CRLF2: variants seen among roughly 807,000 people sequenced by gnomAD.
CRLF2 encodes cytokine receptor like factor 2, also known as cytokine receptor-like factor 2.
A neutral mutation model predicts 38.7 loss-of-function variants in CRLF2; 41 were observed. The ratio of observed to expected loss-of-function variants is 1.06; its 90% CI spans 0.83 to 1.37. CRLF2 has a LOEUF of 1.37. CRLF2 is among the 40% of genes most tolerant of loss of function. The pLI is 0.00. For missense variants in CRLF2, 377 were observed against 322.2 expected (o/e 1.17, Z -1.30); for synonymous variants, 140 against 128.8 (o/e 1.09, Z -0.59).
intron 1 of CRLF2, among the ~76,000 whole-genome samples, chrX:1,211,077 A>G (rs2086788503): frequency 6.7e-6 from 1 of 149,636 alleles, no homozygotes; most frequent in African/African-American, 2.5e-5. Context: ...GTGTTGGTGG[A>G]TGGATGGATA....
chrX:1,196,475 C>G (rs373572582), intron 6 of CRLF2, among the ~76,000 whole-genome samples: 3 of 151,712 alleles, frequency 2.0e-5, no homozygotes, highest in Admixed American at 6.6e-5. Context: ...CGTGAACCAC[C>G]GTGCCTGACC....
At chrX:1,204,659 T>A (rs2086662238) in intron 3 of CRLF2, among the ~76,000 whole-genome samples, 2 of 149,484 alleles carry the variant, frequency 1.3e-5, no homozygotes, top group East Asian at 3.9e-4. Flanking sequence ...TAGCTGGGAT[T>A]ACAAGCGTGT....
chrX:1,197,371 A>C (rs2086501901), intron 5 of CRLF2, among the ~76,000 whole-genome samples: 1 of 151,248 alleles, frequency 6.6e-6, no homozygotes, highest in African/African-American at 2.4e-5. Context: ...GTGTCTCTGG[A>C]CAACAACACA....
intron 3 of CRLF2, among the ~76,000 whole-genome samples, chrX:1,205,564 A>G (rs1376390719): frequency 6.6e-6 from 1 of 151,940 alleles, no homozygotes; most frequent in Admixed American, 6.6e-5. Context: ...TGAAGGAAAT[A>G]CTGAAAAGCA....
chrX:1,208,683 C>T (rs1209253644), intron 2 of CRLF2, 123 bp downstream of exon 2: 56 of 683,902 alleles, frequency 8.2e-5, no homozygotes, highest in Non-Finnish European at 8.0e-6. Context: ...ACAGAACAAA[C>T]ATTCCGGCTT....
chrX:1,212,417 GGA>G, intron 1 of CRLF2, 137 bp downstream of exon 1: 19 of 531,546 alleles, frequency 3.6e-5, no homozygotes, highest in South Asian at 1.6e-4. Context: ...GCTTGAACCC[GGA>G]AAAAAAAAAA....
intron 5 of CRLF2, among the ~76,000 whole-genome samples, chrX:1,197,822 TAAAAATAA>T (rs1447523162): frequency 1.9e-3 from 281 of 145,700 alleles, no homozygotes; most frequent in African/African-American, 6.1e-3. Flanking sequence ...TAAAAAAAAA[TAAAAATAA>T]AAAAATAAAA....
At chrX:1,207,698 G>A (rs1336796845) in intron 2 of CRLF2, among the ~76,000 whole-genome samples, 1 of 150,330 alleles carries the variant, frequency 6.7e-6, no homozygotes, top group East Asian at 2.0e-4. Context: ...CGCTCTGTCG[G>A]CCAGGCTGGA....
At chrX:1,191,346 C>CTTTCTTTCTTTCTTTCTTTCTTTCT (rs1491422134) in intron 7 of CRLF2, among the ~76,000 whole-genome samples, 186 bp from the exon 8 acceptor site, 1 of 44,702 alleles carries the variant, frequency 2.2e-5, no homozygotes, top group Admixed American at 2.4e-4. Context: ...TCTTTCTTTC[C>CTTTCTTTCTTTCTTTCTTTCTTTCT]TTCTTTCTTT....
At chrX:1,195,624 C>G (rs1411796292) in intron 6 of CRLF2, among the ~76,000 whole-genome samples, 189 of 148,082 alleles carry the variant, frequency 1.3e-3, no homozygotes, top group African/African-American at 4.4e-3. Context: ...GTCGCCCAGG[C>G]TGGAGTATAA....
chrX:1,197,823 A>G (rs2086516080), intron 5 of CRLF2, among the ~76,000 whole-genome samples: 1 of 150,900 alleles, frequency 6.6e-6, no homozygotes, highest in African/African-American at 2.5e-5. Context: ...AAAAAAAAAT[A>G]AAAATAAAAA....
intron 6 of CRLF2, among the ~76,000 whole-genome samples, chrX:1,196,440 C>T (rs1274892228): frequency 1.7e-4 from 26 of 151,884 alleles, no homozygotes; most frequent in Non-Finnish European, 2.9e-4. Context: ...CCTGCCTTGG[C>T]ATCACAAAAT....
rs766739933 is a variant in CRLF2 at position 1,211,889 on chromosome X, A to G, written c.79+667T>C. The stretch of plus-strand genomic sequence containing the variant: ...GATGTATTGGTAGATGGATGGGTGG[A>G]TGGGTGGATGGATGGATGGATGTAT... On this transcript the variant is annotated intron_variant, in intron 1 of 7. Transcript: ENST00000400841. Among the ~76,000 whole-genome samples, 10 of 54,614 alleles carry G rather than the reference A, an allele frequency of 1.8e-4. 2 individuals carry two copies. The South Asian group carries it at 4.9e-3, about 27-fold the overall frequency. 35.8% of individuals were successfully genotyped at this position (54,614 alleles called of 152,430 possible).
At chrX:1,196,482 G>A (rs1362700965) in intron 6 of CRLF2, among the ~76,000 whole-genome samples, 2 of 151,542 alleles carry the variant, frequency 1.3e-5, no homozygotes, top group Non-Finnish European at 2.9e-5. Context: ...CACCGTGCCT[G>A]ACCCTAATTT....
intron 1 of CRLF2, among the ~76,000 whole-genome samples, chrX:1,209,578 G>T (rs754368692): frequency 6.6e-6 from 1 of 151,720 alleles, no homozygotes; most frequent in Non-Finnish European, 1.5e-5. Flanking sequence ...TGATCCGCCC[G>T]CCTCATCCAC....
Position 1,202,441 on chromosome X carries a change from A to T in CRLF2, c.444T>A (p.Tyr148Ter), listed in dbSNP as rs1487440020. ...CGAAGGGGCTCCGGTACTGAACCTCATAGAGGAGATCCCCGTAGGACAGGT... is the reference window on the plus strand; with the variant it reads ...CGAAGGGGCTCCGGTACTGAACCTCTTAGAGGAGATCCCCGTAGGACAGGT... ...CSDLSYGDLL[Y>*]EVQYRSPFDT... is the part of the protein sequence containing the mutation. Residue 148 changes from tyrosine (Y) to a stop codon, truncating the protein, a stop_gained, in exon 4 of 8, where the codon TAT (tyrosine) becomes TAA (stop). Transcript: ENST00000400841. LOFTEE classifies it high-confidence loss of function. The T allele has an allele frequency of 1.9e-6, 3 of 1,613,706 alleles. No individual in the cohort carries two copies. Among genetic ancestry groups the T allele is most frequent in the Middle Eastern group, 1.7e-4 (1 of 6,056 alleles).
Position 1,204,150 on chromosome X carries a change from C to CTGTG in CRLF2, c.350-1619_350-1616dup, listed in dbSNP as rs782552615. 8.7e-3 allele frequency among the ~76,000 whole-genome samples: 1,083 copies of CTGTG among 124,750 alleles called. 30 individuals are homozygous for CTGTG. Among genetic ancestry groups the CTGTG allele is most frequent in the East Asian group, 0.064 (262 of 4,064 alleles). 81.8% of individuals were successfully genotyped at this position (124,750 alleles called of 152,430 possible). Reference sequence around the variant, plus strand: ...GATGAGAGAGTATTTCCAGCTCACTCTGTGTGTGTGTGTGTGTGTGTGTGT... The same window carrying CTGTG: ...GATGAGAGAGTATTTCCAGCTCACTCTGTGTGTGTGTGTGTGTGTGTGTGTGTGT... On this transcript the variant is annotated intron_variant, in intron 3 of 7. Coordinates refer to ENST00000400841, the MANE Select transcript of CRLF2 (RefSeq NM_022148.4).
intron 5 of CRLF2, 99 bp from the exon 6 acceptor site, chrX:1,196,999 A>G (rs1382288803): frequency 1.0e-6 from 1 of 974,352 alleles, no homozygotes; most frequent in South Asian, 3.5e-5. Context: ...AGTCTCCCTC[A>G]TTTTTTGGTG....
chrX:1,202,914 G>T (rs2086633631), intron 3 of CRLF2, among the ~76,000 whole-genome samples: 1 of 151,882 alleles, frequency 6.6e-6, no homozygotes, highest in East Asian at 1.9e-4. Context: ...TTCGAGACCA[G>T]CCTGGCCAAT....
Sources: allele counts gnomAD v4.1 joint callset (sites outside exome capture counted in the v4.1 genomes callset), GRCh38; gene constraint gnomAD v4.1.1; transcripts MANE v1.5; gene names NCBI Gene and HGNC (gene_info 2026-07-23, HGNC 2026-07-21).